The following SCAI variants were observed in gnomAD, a reference collection of about 807,000 sequenced individuals.
The protein encoded by SCAI is protein SCAI.
In SCAI, 24 loss-of-function variants were observed where a neutral mutation model predicts 92.2. The ratio of observed to expected loss-of-function variants is 0.26; its 90% CI spans 0.19 to 0.37. The LOEUF is 0.37. Among genes scored for constraint, SCAI ranks in the 10% least tolerant of loss-of-function variants. The pLI is 1.00. For missense variants in SCAI, 450 were observed against 736.2 expected (o/e 0.61, Z 4.50); for synonymous variants, 261 against 258.6 (o/e 1.01, Z -0.09).
At chr9:124,975,597 C>A (rs1177873509) in intron 15 of SCAI, among the ~76,000 whole-genome samples, 1 of 152,152 alleles carries the variant, frequency 6.6e-6, no homozygotes, top group Non-Finnish European at 1.5e-5. Flanking sequence ...CTCTGGCAGA[C>A]TTAGAAGAGG....
chr9:125,077,056 T>C (rs1246686627), intron 2 of SCAI, among the ~76,000 whole-genome samples: 1 of 152,176 alleles, frequency 6.6e-6, no homozygotes, highest in African/African-American at 2.4e-5. Flanking sequence ...TGATGGTGTG[T>C]GCCTGTAGTC....
chr9:125,096,597 C>G (rs77033135), intron 2 of SCAI, among the ~76,000 whole-genome samples: 1 of 152,028 alleles, frequency 6.6e-6, no homozygotes, highest in Non-Finnish European at 1.5e-5. Flanking sequence ...TGATACCAGC[C>G]TCCTCTTCCT....
intron 14 of SCAI, among the ~76,000 whole-genome samples, chr9:124,982,201 G>C (rs1378876797): frequency 6.6e-6 from 1 of 152,064 alleles, no homozygotes; most frequent in Non-Finnish European, 1.5e-5. Flanking sequence ...CTGCAATCAC[G>C]ACAATCCTGT....
At chr9:124,995,261 G>T (rs1832216413) in intron 13 of SCAI, among the ~76,000 whole-genome samples, 1 of 151,984 alleles carries the variant, frequency 6.6e-6, no homozygotes, top group Non-Finnish European at 1.5e-5. Context: ...TGAAGTCTGT[G>T]TATTTAAAGA....
At chr9:124,971,510 A>G in intron 16 of SCAI, 40 bp from the exon 17 acceptor site, 1 of 1,505,542 alleles carries the variant, frequency 6.6e-7, no homozygotes, top group Non-Finnish European at 9.2e-7. Flanking sequence ...AGATGCTTAA[A>G]TGGAAATTAT....
At chr9:124,972,636 C>A (rs552878255) in intron 15 of SCAI, among the ~76,000 whole-genome samples, 1 of 152,328 alleles carries the variant, frequency 6.6e-6, no homozygotes, top group Non-Finnish European at 1.5e-5. Context: ...TTCTCAAAGG[C>A]ACCTCAAACT....
intron 2 of SCAI, among the ~76,000 whole-genome samples, chr9:125,063,612 A>C (rs1240445644): frequency 6.6e-6 from 1 of 152,190 alleles, no homozygotes; most frequent in East Asian, 1.9e-4. Context: ...ACATATCTTG[A>C]AACATCAACC....
intron 2 of SCAI, among the ~76,000 whole-genome samples, chr9:125,093,269 G>C (rs1834476144): frequency 6.6e-6 from 1 of 152,082 alleles, no homozygotes; most frequent in Non-Finnish European, 1.5e-5. Flanking sequence ...GCTGAGGCAG[G>C]AGAATTGCTT....
intron 2 of SCAI, among the ~76,000 whole-genome samples, chr9:125,094,609 C>G (rs183160219): frequency 3.9e-5 from 6 of 152,316 alleles, no homozygotes; most frequent in Admixed American, 6.5e-5. Flanking sequence ...TCAAGTGACC[C>G]TTCCGCCTCA....
chr9:125,015,254 G>A (rs991606068), intron 9 of SCAI, among the ~76,000 whole-genome samples: 19 of 152,118 alleles, frequency 1.2e-4, no homozygotes, highest in Admixed American at 1.2e-3. Flanking sequence ...CAACCTACAA[G>A]ATGGGAGAAA....
At position 124,994,957 on chromosome 9, in the gene SCAI, A is replaced by C; in HGVS notation, c.1303T>G (p.Ser435Ala). ...TRKPLFIIVDSSNSVAYKNFT... is the reference protein window; with the variant it reads ...TRKPLFIIVDASNSVAYKNFT... ...ACCTTATACGCAACACTATTAGACGAATCCACAATGATGAACAGTGGCTTC... is the reference window on the plus strand; with the variant it reads ...ACCTTATACGCAACACTATTAGACGCATCCACAATGATGAACAGTGGCTTC... Residue 435 changes from serine to alanine, a missense_variant, in exon 14 of 18, where the codon TCG (serine) becomes GCG (alanine). This residue lies in a region of SCAI where 360 missense variants were observed against 601.8 expected (regional missense o/e 0.60). Coordinates refer to ENST00000336505, the MANE Select transcript of SCAI (RefSeq NM_001144877.3). 6.2e-7 allele frequency: 1 copy of C among 1,613,040 alleles called. No individual in the cohort carries two copies.
chr9:125,039,385 C>CAAAAAAAAAAAAAAAAA (rs58716034), intron 3 of SCAI, among the ~76,000 whole-genome samples: 7 of 48,222 alleles, frequency 1.5e-4, no homozygotes, highest in Middle Eastern at 0.011. Flanking sequence ...GACTCCATCT[C>CAAAAAAAAAAAAAAAAA]AAAAAAAAAA....
chr9:125,108,645 CGTCTG>C, intron 2 of SCAI, among the ~76,000 whole-genome samples: 1 of 149,782 alleles, frequency 6.7e-6, no homozygotes. Flanking sequence ...GCAGCCGCCC[CGTCTG>C]AGAAGTGAGG....
intron 4 of SCAI, among the ~76,000 whole-genome samples, chr9:125,029,260 T>C (rs778037866): frequency 6.6e-6 from 1 of 152,126 alleles, no homozygotes; most frequent in Non-Finnish European, 1.5e-5. Context: ...TAGCTGGGAT[T>C]ACAGCTGAGC....
At chr9:125,031,030 T>C (rs984129377) in intron 3 of SCAI, among the ~76,000 whole-genome samples, 1 of 150,992 alleles carries the variant, frequency 6.6e-6, no homozygotes, top group Non-Finnish European at 1.5e-5. Context: ...AGTCTGTGAA[T>C]AGATGGAGAT....
chr9:124,995,829 G>C (rs1355695593), intron 13 of SCAI, among the ~76,000 whole-genome samples: 1 of 152,004 alleles, frequency 6.6e-6, no homozygotes, highest in African/African-American at 2.4e-5. Context: ...TTTGCATCAA[G>C]GGCTTGTTAA....
At chr9:124,983,961 C>T (rs1831938187) in intron 14 of SCAI, among the ~76,000 whole-genome samples, 1 of 152,138 alleles carries the variant, frequency 6.6e-6, no homozygotes, top group African/African-American at 2.4e-5. Context: ...ACATAAAATG[C>T]TTAGAACAGT....
rs201541025 is a variant in SCAI, at chr9:125,046,198, T to TAG, written c.230+9677_230+9678insCT. On this transcript the variant is annotated intron_variant, in intron 3 of 17. Coordinates refer to ENST00000336505, the MANE Select transcript of SCAI (RefSeq NM_001144877.3). ...ACAAGTGAATAAAGAAATTGTGAGA[T>TAG]ATATATATATATATATATATATATA... Among the ~76,000 whole-genome samples the TAG allele has an allele frequency of 2.0e-4, 21 of 103,510 alleles. No individual in the cohort carries two copies. In the East Asian group the frequency reaches 3.9e-3, roughly 19 times the overall value. 67.9% of individuals were successfully genotyped at this position (103,510 alleles called of 152,430 possible).
intron 6 of SCAI, among the ~76,000 whole-genome samples, chr9:125,021,165 C>A (rs1832863319): frequency 6.6e-6 from 1 of 152,138 alleles, no homozygotes; most frequent in African/African-American, 2.4e-5. Context: ...TTTGTGCCCA[C>A]AGGACTAGAT....
Sources: gnomAD v4.1 joint callset for allele counts (sites outside exome capture counted in the v4.1 genomes callset) on GRCh38, gnomAD v4.1.1 for gene constraint, gnomAD v4.1.1 regional missense constraint, MANE v1.5 for transcripts, NCBI Gene and HGNC (gene_info 2026-07-23, HGNC 2026-07-21) for gene names.